Variants in PFKFB2 observed in about 807,000 individuals in gnomAD.
PFKFB2 encodes 6-phosphofructo-2-kinase/fructose-2,6-bisphosphatase 2.
PFKFB2 carries 53 observed loss-of-function variants against 68.0 expected under a neutral mutation model. The observed-to-expected ratio is 0.78, with a 90% CI of 0.63 to 0.98. The LOEUF (loss-of-function observed/expected upper bound fraction) is 0.98, where lower values mean the gene tolerates loss of function less well. PFKFB2 is among the 50% of genes least tolerant of loss of function. PFKFB2 has a pLI of 0.00. For missense variants in PFKFB2, 451 were observed against 642.0 expected (o/e 0.70, Z 3.22); for synonymous variants, 222 against 227.6 (o/e 0.98, Z 0.22).
intron 2 of PFKFB2, chr1:207,048,271 TTA>T (rs1467788240): frequency 6.5e-6 from 1 of 152,672 alleles, no homozygotes; most frequent in Non-Finnish European, 1.5e-5. Flanking sequence ...ATTCTACGTT[TTA>T]TATGCTAGAG....
In PFKFB2 at chr1:207,076,276, G is replaced by A; in HGVS notation, c.*3905G>A. 4 of 965,780 alleles carry A rather than the reference G, an allele frequency of 4.1e-6. No homozygotes were observed. The highest frequency in any genetic ancestry group is 4.9e-6 in the Non-Finnish European group (4 of 814,790). The allele number at this position is 965,780 out of a possible 1,614,324, so 59.8% of individuals were successfully genotyped here. A position where few individuals can be genotyped will look rare whatever the true frequency, so the allele number is the denominator to read the frequency against. ...TCTTTTTTTTTTTTTTTTATGAGCAGGAGATCTTAATTGACAGAAACTCAT... is the reference window on the plus strand; with the variant it reads ...TCTTTTTTTTTTTTTTTTATGAGCAAGAGATCTTAATTGACAGAAACTCAT... On this transcript the variant is annotated 3_prime_UTR_variant, in exon 15 of 15. Coordinates refer to ENST00000367080, the MANE Select transcript of PFKFB2 (RefSeq NM_006212.2).
At chr1:207,040,055 T>C (rs1682447750) in intron 1 of PFKFB2, among the ~76,000 whole-genome samples, 1 of 152,196 alleles carries the variant, frequency 6.6e-6, no homozygotes, top group African/African-American at 2.4e-5. Flanking sequence ...AGCTGCACCA[T>C]AGGAGTGAGC....
Position 207,063,144 on chromosome 1 carries a change from C to T in PFKFB2, c.310C>T (p.Gln104Ter). The T allele has an allele frequency of 6.2e-7, 1 of 1,613,462 alleles. No homozygotes were observed. The highest frequency in any genetic ancestry group is 8.5e-7 in the Non-Finnish European group (1 of 1,179,408). Residue 104 changes from glutamine to a stop codon, truncating the protein, a stop_gained and splice_region_variant, in exon 5 of 15, where the codon CAG (glutamine) becomes TAG (stop). Transcript: ENST00000367080. LOFTEE classifies it high-confidence loss of function. The surrounding 1 kb of genome is among the most constrained non-coding windows in gnomAD (Gnocchi z 4.1). ...DNEEAMKIRKQCALVALEDVK... is the reference protein window; with the variant it reads ...DNEEAMKIRK ...TGGTTTCATTTGCTCTTATGGCAGA[C>T]AGTGTGCTCTGGTGGCGCTGGAAGA...
rs1273161947 is a variant in PFKFB2, at chr1:207,065,080, G to A, written c.552G>A (p.Glu184=). ...SSPDYPERNR[E]NVMEDFLKRI... is the part of the protein sequence containing the mutation. Reference sequence around the variant, plus strand: ...CTGACTATCCTGAAAGGAACAGAGAGAACGTGATGGAGGACTTCCTGAAGA... The same window carrying A: ...CTGACTATCCTGAAAGGAACAGAGAAAACGTGATGGAGGACTTCCTGAAGA... The change falls in exon 8 of 15, where the codon GAG becomes GAA. Residue 184 remains glutamate (E), a synonymous_variant. Transcript: ENST00000367080. 6.2e-7 allele frequency: 1 copy of A among 1,614,120 alleles called. No individual in the cohort carries two copies. The highest frequency in any genetic ancestry group is 1.7e-5 in the Admixed American group (1 of 60,016).
intron 2 of PFKFB2, among the ~76,000 whole-genome samples, chr1:207,055,861 A>G (rs2102338215): frequency 6.6e-6 from 1 of 152,280 alleles, no homozygotes; most frequent in Non-Finnish European, 1.5e-5. Context: ...AGCTGGCTGG[A>G]TGTGATACTG....
Position 207,074,248 on chromosome 1 carries a change from CT to C in PFKFB2, c.*1878del. ...GTGTCAGCCTAGGAATTCTGAATTC[CT>C]CATAGTCCTGAAAGGACAGTTCTTT... On this transcript the variant is annotated 3_prime_UTR_variant, in exon 15 of 15. Coordinates refer to ENST00000367080, the MANE Select transcript of PFKFB2 (RefSeq NM_006212.2). The C allele has an allele frequency of 1.0e-6, 1 of 985,214 alleles. No homozygotes were observed. Among genetic ancestry groups the C allele is most frequent in the Non-Finnish European group, 1.2e-6 (1 of 829,772 alleles). The allele number at this position is 985,214 out of a possible 1,614,324, so 61.0% of individuals were successfully genotyped here. A position where few individuals can be genotyped will look rare whatever the true frequency, so the allele number is the denominator to read the frequency against.
Position 207,074,533 on chromosome 1 carries a change from C to T in PFKFB2, c.*2162C>T, listed in dbSNP as rs1411064927. 1.0e-6 allele frequency: 1 copy of T among 985,278 alleles called. No homozygotes were observed. The highest frequency in any genetic ancestry group is 1.1e-4 in the East Asian group (1 of 8,820). The allele number at this position is 985,278 out of a possible 1,614,324, so 61.0% of individuals were successfully genotyped here. On this transcript the variant is annotated 3_prime_UTR_variant, in exon 15 of 15. Coordinates refer to ENST00000367080, the MANE Select transcript of PFKFB2 (RefSeq NM_006212.2). Reference sequence around the variant, plus strand: ...GGCAACTGACTCCTGACCCCGGGTCCTTTACTCGTATGTCCCAAGTAGGAT... The same window carrying T: ...GGCAACTGACTCCTGACCCCGGGTCTTTTACTCGTATGTCCCAAGTAGGAT...
At position 207,062,038 on chromosome 1, in the gene PFKFB2, A is replaced by G. The variant is rs201957555; in HGVS notation, c.171A>G (p.Lys57=). The part of the protein sequence containing the change: ...PARGKTYVSK[K]LTRYLNWIGV... ...GGGGTAAAACCTACGTGTCCAAGAA[A>G]CTAACACGCTACCTCAACTGGATTG... The change falls in exon 3 of 15, where the codon AAA becomes AAG. Residue 57 remains lysine (K), a synonymous_variant. Transcript: ENST00000367080. 37 of 1,614,002 alleles carry G rather than the reference A, an allele frequency of 2.3e-5. No individual in the cohort carries two copies. The highest frequency in any genetic ancestry group is 3.1e-5 in the Non-Finnish European group (37 of 1,179,968).
chr1:207,077,300 G>A lies in PFKFB2; in HGVS notation c.*4929G>A. On this transcript the variant is annotated 3_prime_UTR_variant, in exon 15 of 15. Coordinates refer to ENST00000367080, the MANE Select transcript of PFKFB2 (RefSeq NM_006212.2). Reference sequence around the variant, plus strand: ...TTGGATTTTACACTTAATCTAGTAAGTAAAAATGAGAAGAAAATTTGGCAT... The same window carrying A: ...TTGGATTTTACACTTAATCTAGTAAATAAAAATGAGAAGAAAATTTGGCAT... 1.0e-6 allele frequency: 1 copy of A among 985,130 alleles called. No homozygotes were observed. 61.0% of individuals were successfully genotyped at this position (985,130 alleles called of 1,614,324 possible).
chr1:207,046,295 A>G (rs1572708131), intron 2 of PFKFB2: 1 of 152,216 alleles, frequency 6.6e-6, no homozygotes, highest in Admixed American at 6.5e-5. Context: ...TGAAAGTTGT[A>G]AGTCCATAGA....
In PFKFB2 at chr1:207,072,405, C is replaced by A. The variant is rs1327165010; in HGVS notation, c.*34C>A. 2 of 1,601,254 alleles carry A rather than the reference C, an allele frequency of 1.2e-6. No individual in the cohort carries two copies. Among genetic ancestry groups the A allele is most frequent in the East Asian group, 2.2e-5 (1 of 44,780 alleles). On this transcript the variant is annotated 3_prime_UTR_variant, in exon 15 of 15. Coordinates refer to ENST00000367080, the MANE Select transcript of PFKFB2 (RefSeq NM_006212.2). ...CCAAGTCAGCATTCCGGTGGTGTAA[C>A]TGTGTGTTTCCCTCCAGCCCTGGCC...
chr1:207,062,500 C>T, intron 3 of PFKFB2, 120 bp from the exon 4 acceptor site: 2 of 1,477,100 alleles, frequency 1.4e-6, no homozygotes, highest in Non-Finnish European at 1.8e-6. Flanking sequence ...TGTTCCCAAC[C>T]TACCATGCTG....
chr1:207,070,427 G>A lies in PFKFB2; in HGVS notation c.1222+18G>A. 1 of 1,612,104 alleles carries A rather than the reference G, an allele frequency of 6.2e-7. No individual in the cohort carries two copies. Among genetic ancestry groups the A allele is most frequent in the South Asian group, 1.1e-5 (1 of 90,908 alleles). On this transcript the variant is annotated intron_variant, in intron 12 of 14. Transcript: ENST00000367080. The surrounding 1 kb of genome is among the most constrained non-coding windows in gnomAD (Gnocchi z 4.2). The stretch of plus-strand genomic sequence containing the variant: ...GGGCGCAGGTGCCTTTGAGGGAGGG[G>A]CTGGGAGACACATCCAGTGGGAGAG...
At chr1:207,056,384 C>T (rs1225680889) in intron 2 of PFKFB2, among the ~76,000 whole-genome samples, 1 of 149,784 alleles carries the variant, frequency 6.7e-6, no homozygotes, top group Non-Finnish European at 1.5e-5. Flanking sequence ...ATCTAGGATG[C>T]ACCTCTTACA....
chr1:207,073,104 A>G lies in PFKFB2; in HGVS notation c.*733A>G, dbSNP rs1041344449. On this transcript the variant is annotated 3_prime_UTR_variant, in exon 15 of 15. Coordinates refer to ENST00000367080, the MANE Select transcript of PFKFB2 (RefSeq NM_006212.2). ...AATATTCTGGAGCTTGCAAGTAGAC[A>G]TAGGGTGAGAGTTCTTGCCTCCTTT... 4.1e-6 allele frequency: 4 copies of G among 985,386 alleles called. No homozygotes were observed. The African/African-American group carries it at 7.0e-5, about 17-fold the overall frequency. The allele number at this position is 985,386 out of a possible 1,614,324, so 61.0% of individuals were successfully genotyped here.
At chr1:207,053,628 A>C (rs1682821214) in intron 1 of PFKFB2, among the ~76,000 whole-genome samples, 1 of 152,084 alleles carries the variant, frequency 6.6e-6, no homozygotes. Flanking sequence ...TGAGCTCAGG[A>C]CTTTCCCACT....
chr1:207,072,108 A>G, intron 14 of PFKFB2, 96 bp from the exon 15 acceptor site: 2 of 1,539,914 alleles, frequency 1.3e-6, no homozygotes, highest in East Asian at 2.3e-5. Flanking sequence ...AGCAGGAGTG[A>G]GGGAAGCTGT....
intron 2 of PFKFB2, among the ~76,000 whole-genome samples, chr1:207,057,073 G>A (rs144651649): frequency 2.4e-4 from 36 of 152,166 alleles, no homozygotes; most frequent in African/African-American, 8.0e-4. Context: ...GACTTCAACT[G>A]CTCCAGGGAT....
At chr1:207,071,907 G>T (rs974480963) in intron 14 of PFKFB2, among the ~76,000 whole-genome samples, 1 of 152,108 alleles carries the variant, frequency 6.6e-6, no homozygotes, top group Non-Finnish European at 1.5e-5. Flanking sequence ...ATAAGGTGGG[G>T]GTCAAGAGGT....
Sources: gnomAD v4.1 joint callset for allele counts (sites outside exome capture counted in the v4.1 genomes callset) on GRCh38, gnomAD v4.1.1 for gene constraint, Gnocchi (gnomAD v3.1) non-coding constraint, MANE v1.5 for transcripts, NCBI Gene and HGNC (gene_info 2026-07-23, HGNC 2026-07-21) for gene names.